Variants in CEP72 observed in about 807,000 individuals in gnomAD.
CEP72 encodes the protein centrosomal protein of 72 kDa.
Under a neutral mutation model 65.7 loss-of-function variants are expected in CEP72, and 78 were observed. The ratio of observed to expected loss-of-function variants is 1.19; its 90% CI spans 0.99 to 1.43. The LOEUF (loss-of-function observed/expected upper bound fraction) is 1.43. Ranked by LOEUF, CEP72 falls within the 40% of genes most tolerant of loss-of-function variation. The pLI, the probability that CEP72 is intolerant of heterozygous loss-of-function variation, is 0.00. For synonymous variants in CEP72, 358 were observed against 351.7 expected, an observed-to-expected ratio of 1.02 and a Z score of -0.20; for missense variants, 914 against 832.9, an observed-to-expected ratio of 1.10 and a Z score of -1.20.
intron 1 of CEP72, among the ~76,000 whole-genome samples, chr5:615,535 A>G (rs1293577866): frequency 1.3e-5 from 2 of 152,170 alleles, no homozygotes; most frequent in Non-Finnish European, 2.9e-5. Flanking sequence ...TGCATGGCGT[A>G]TCTTTTCCTA....
downstream of CEP72, among the ~76,000 whole-genome samples, chr5:670,629 C>T (rs1437774018): frequency 2.6e-5 from 4 of 152,222 alleles, no homozygotes; most frequent in Middle Eastern, 0.01. Context: ...CCCTGTCTGG[C>T]ATCGCCATCC....
chr5:647,686 C>T, intron 10 of CEP72, 119 bp from the exon 11 acceptor site: 1 of 697,178 alleles, frequency 1.4e-6, no homozygotes, highest in South Asian at 1.9e-5. Context: ...TGATCTTTTC[C>T]AGCTATATTC....
intron 3 of CEP72, among the ~76,000 whole-genome samples, chr5:620,495 C>T (rs111611077): frequency 5.2e-4 from 79 of 152,308 alleles, no homozygotes; most frequent in Admixed American, 1.2e-3. Flanking sequence ...GGGCTGGGGC[C>T]GTGGGAGCAC....
rs752843666 is a variant in CEP72, at chr5:620,168, G to T, written c.310G>T (p.Val104Leu). 1.2e-6 allele frequency: 2 copies of T among 1,614,188 alleles called. No homozygotes were observed. Among genetic ancestry groups the T allele is most frequent in the East Asian group, 2.2e-5 (1 of 44,872 alleles). ...VFRLHALTELVDVDFRLNPVV... is the reference protein window; with the variant it reads ...VFRLHALTELLDVDFRLNPVV... ...TCGGCTCCACGCCTTAACCGAGCTCGTGGATGTGGACTTCCGGCTGAACCC... is the reference window on the plus strand; with the variant it reads ...TCGGCTCCACGCCTTAACCGAGCTCTTGGATGTGGACTTCCGGCTGAACCC... The change falls in exon 3 of 12, where the codon GTG becomes TTG. Residue 104 changes from valine to leucine, a missense_variant. By Grantham distance (32) the Val-to-Leu change is conservative (BLOSUM62 1). Coordinates refer to ENST00000264935, the MANE Select transcript of CEP72 (RefSeq NM_018140.4).
the CEP72 span, chr5:675,858 A>C: frequency 3.3e-5 from 5 of 152,178 alleles, no homozygotes; most frequent in African/African-American, 4.8e-5. Flanking sequence ...CAGAGGGGCC[A>C]GCCACAGCCT....
chr5:647,532 C>T (rs1195135003), intron 10 of CEP72, among the ~76,000 whole-genome samples: 1 of 152,246 alleles, frequency 6.6e-6, no homozygotes, highest in South Asian at 2.1e-4. Context: ...CCGCCTCTCC[C>T]TGCCCTCACA....
intron 2 of CEP72, chr5:664,668 A>G (rs913916278): frequency 2.3e-5 from 4 of 176,232 alleles, no homozygotes; most frequent in Non-Finnish European, 3.6e-5. Flanking sequence ...TGTGGGGCCA[A>G]TTCCGTGTTA....
In CEP72 at chr5:640,454, T is replaced by TTAG; in HGVS notation, c.1389_1390insTAG (p.Ala463_Gln464insTer). The TTAG allele has an allele frequency of 6.2e-7, 1 of 1,614,224 alleles. No individual in the cohort carries two copies. The highest frequency in any genetic ancestry group is 8.5e-7 in the Non-Finnish European group (1 of 1,180,030). ...CATCTGTTGAAGAATTCACAGCAGC[T>TTAG]CAGGACAGCTCTGCGATGGTGGGTG... On this transcript the variant is annotated stop_gained and inframe_insertion, in exon 9 of 12. Coordinates refer to ENST00000264935, the MANE Select transcript of CEP72 (RefSeq NM_018140.4). LOFTEE classifies it high-confidence loss of function.
In CEP72 at chr5:632,072, G is replaced by A. The variant is rs1337853293; in HGVS notation, c.513-1697G>A. Among the ~76,000 whole-genome samples the A allele has an allele frequency of 2.4e-4, 11 of 45,636 alleles. 1 individual carries two copies. Among genetic ancestry groups the A allele is most frequent in the African/African-American group, 3.4e-4 (3 of 8,942 alleles). 29.9% of individuals were successfully genotyped at this position (45,636 alleles called of 152,430 possible). ...GGGTTCTGTCCAGTGCCGGGATTTGGCCCAGTCCTGGTGGGGTTCTGTCCA... is the reference window on the plus strand; with the variant it reads ...GGGTTCTGTCCAGTGCCGGGATTTGACCCAGTCCTGGTGGGGTTCTGTCCA... On this transcript the variant is annotated intron_variant, in intron 4 of 11. Transcript: ENST00000264935.
At chr5:651,446 G>A (rs1239660299) in intron 11 of CEP72, among the ~76,000 whole-genome samples, 3 of 151,976 alleles carry the variant, frequency 2.0e-5, no homozygotes, top group Admixed American at 6.5e-5. Context: ...CCAGGGGAGA[G>A]AGGTGCATGA....
At position 665,350 on chromosome 5, in the gene CEP72, A is replaced by G. The variant is rs1739852861; in HGVS notation, n.433+25A>G. On this transcript the variant is annotated intron_variant and non_coding_transcript_variant, in intron 3 of 4. Coordinates refer to the CEP72 transcript ENST00000514507. ...GGTGAGTTGCGAGCCAGGTGAGGCC[A>G]GCAAGTGAAATGGCTGTGCCCTGGG... The G allele has an allele frequency of 4.4e-5, 67 of 1,537,402 alleles. No individual in the cohort carries two copies. The South Asian group carries it at 7.5e-4, about 17-fold the overall frequency.
At chr5:651,562 T>C (rs1739099766) in intron 11 of CEP72, among the ~76,000 whole-genome samples, 1 of 151,988 alleles carries the variant, frequency 6.6e-6, no homozygotes, top group South Asian at 2.1e-4. Flanking sequence ...CACGGAGATT[T>C]CACCTTTACT....
chr5:615,576 A>G (rs1365443723), intron 1 of CEP72, among the ~76,000 whole-genome samples: 3 of 152,164 alleles, frequency 2.0e-5, no homozygotes, highest in Admixed American at 1.3e-4. Flanking sequence ...ACCTACCTGT[A>G]TCTTTATATT....
At chr5:651,936 C>T (rs1231834828) in intron 11 of CEP72, among the ~76,000 whole-genome samples, 7 of 152,074 alleles carry the variant, frequency 4.6e-5, no homozygotes, top group South Asian at 4.1e-4. Flanking sequence ...TGGTCATAGG[C>T]GTAGCCAGGC....
intron 5 of CEP72, among the ~76,000 whole-genome samples, chr5:634,379 CA>C (rs1441486687): frequency 6.6e-6 from 1 of 152,236 alleles, no homozygotes; most frequent in Non-Finnish European, 1.5e-5. Flanking sequence ...TGCCCGGTGG[CA>C]CTGCCCTCCA....
exon 4 of CEP72, chr5:666,075 C>T (rs1739897478): frequency 3.1e-6 from 5 of 1,612,346 alleles, no homozygotes; most frequent in Non-Finnish European, 4.2e-6. Context: ...CGAGCTCCTC[C>T]AGCGCCTCCT....
chr5:627,476 C>T (rs769350152), intron 4 of CEP72, among the ~76,000 whole-genome samples: 4 of 152,164 alleles, frequency 2.6e-5, no homozygotes, highest in Non-Finnish European at 4.4e-5. Context: ...GATTGGGGAA[C>T]GGACTTGGTG....
intron 4 of CEP72, among the ~76,000 whole-genome samples, chr5:666,636 C>T (rs904477816): frequency 9.9e-5 from 15 of 151,412 alleles, no homozygotes; most frequent in African/African-American, 2.2e-4. Flanking sequence ...ACCCGCCAGG[C>T]GGCCCCGCTG....
rs967993264 is a variant in CEP72 at position 623,844 on chromosome 5, A to G, written c.404-627A>G. Among the ~76,000 whole-genome samples the G allele has an allele frequency of 7.9e-5, 12 of 152,086 alleles. No individual in the cohort carries two copies. Among genetic ancestry groups the G allele is most frequent in the African/African-American group, 2.9e-4 (12 of 41,392 alleles). On this transcript the variant is annotated intron_variant, in intron 3 of 11. Transcript: ENST00000264935. The surrounding 1 kb of genome is among the most constrained non-coding windows in gnomAD (Gnocchi z 5.3). ...TATTACTCACTCATTTCTTACAGTGATTCTGTAGTTTTTGGGGCGTGCTGT... is the reference window on the plus strand; with the variant it reads ...TATTACTCACTCATTTCTTACAGTGGTTCTGTAGTTTTTGGGGCGTGCTGT...
Sources: gnomAD v4.1 joint callset for allele counts (sites outside exome capture counted in the v4.1 genomes callset) on GRCh38, gnomAD v4.1.1 for gene constraint, Gnocchi (gnomAD v3.1) non-coding constraint, MANE v1.5 for transcripts, NCBI Gene and HGNC (gene_info 2026-07-23, HGNC 2026-07-21) for gene names.